The following MGA variants were observed in gnomAD, a reference collection of about 807,000 sequenced individuals.
MGA encodes the protein MAX dimerization protein MGA.
Under a neutral mutation model 261.1 loss-of-function variants are expected in MGA, and 40 were observed. That is an observed-to-expected ratio of 0.15 (90% confidence interval 0.12 to 0.20). The LOEUF (loss-of-function observed/expected upper bound fraction) is 0.20. MGA is among the 10% of genes least tolerant of loss of function. The probability of loss-of-function intolerance (pLI) is 1.00; values close to 1 mark genes in which losing one functional copy is unlikely to be tolerated. For missense variants in MGA, 3,397 were observed against 3,630.5 expected (o/e 0.94, Z 1.65); for synonymous variants, 1,302 against 1,290.6 (o/e 1.01, Z -0.19).
chr15:41,650,448 A>AT (rs1165626949), intron 1 of MGA, among the ~76,000 whole-genome samples: 3 of 150,732 alleles, frequency 2.0e-5, no homozygotes, highest in Non-Finnish European at 4.4e-5. Context: ...CTTAATTTTA[A>AT]TTTTTTTTTG....
At chr15:41,661,863 A>G (rs2057423552) in intron 1 of MGA, among the ~76,000 whole-genome samples, 1 of 152,100 alleles carries the variant, frequency 6.6e-6, no homozygotes, top group Non-Finnish European at 1.5e-5. Context: ...GTAGTCTCCA[A>G]GGTAACAGAA....
At chr15:41,739,762 A>T (rs2061989285) in intron 13 of MGA, 144 bp from the exon 14 acceptor site, 1 of 716,246 alleles carries the variant, frequency 1.4e-6, no homozygotes, top group Admixed American at 3.1e-5. Flanking sequence ...AGATTATTCT[A>T]AATGGAAAAA....
chr15:41,653,228 G>C (rs796892974), intron 1 of MGA, among the ~76,000 whole-genome samples: 1 of 152,040 alleles, frequency 6.6e-6, no homozygotes, highest in Admixed American at 6.6e-5. Flanking sequence ...AATTAGCAGG[G>C]TGTGGTGGTG....
At chr15:41,742,344 G>T (rs375826255) in intron 14 of MGA, among the ~76,000 whole-genome samples, 42 of 152,058 alleles carry the variant, frequency 2.8e-4, no homozygotes, top group South Asian at 2.5e-3. Context: ...AGCCGAGATC[G>T]CGCCATTGCA....
rs369175779 is a variant in MGA, at chr15:41,711,241, G to A, written c.2976G>A (p.Gln992=). 9.9e-6 allele frequency: 16 copies of A among 1,614,022 alleles called. No homozygotes were observed. The highest frequency in any genetic ancestry group is 1.4e-5 in the Non-Finnish European group (16 of 1,179,894). The change falls in exon 8 of 24, where the codon CAG becomes CAA. Residue 992 remains glutamine, a synonymous_variant. Transcript: ENST00000219905. ...GCCCTCCAGGCTTGTCTAAATCTCA[G>A]GTGAAGCTAATGGACCTGGAAGACT...
chr15:41,679,372 C>G (rs1280151251), intron 2 of MGA, among the ~76,000 whole-genome samples: 1 of 152,100 alleles, frequency 6.6e-6, no homozygotes, highest in African/African-American at 2.4e-5. Context: ...TCTGAAAAAT[C>G]CCGTTGGGAT....
At chr15:41,752,553 T>C (rs2062894449) in intron 17 of MGA, among the ~76,000 whole-genome samples, 1 of 146,582 alleles carries the variant, frequency 6.8e-6, no homozygotes, top group African/African-American at 2.5e-5. Flanking sequence ...TTTAAAGTTT[T>C]TTTTTTTTTT....
chr15:41,657,466 G>T (rs1388029415), upstream of MGA, among the ~76,000 whole-genome samples: 3 of 147,970 alleles, frequency 2.0e-5, no homozygotes, highest in Non-Finnish European at 4.4e-5. Flanking sequence ...CAATTCCCTT[G>T]CCTTAGCCTC....
intron 5 of MGA, 87 bp downstream of exon 5, chr15:41,699,246 CTCT>C (rs1301842153): frequency 4.7e-6 from 4 of 859,744 alleles, no homozygotes; most frequent in African/African-American, 1.8e-5. Context: ...TCTTTCTCAT[CTCT>C]TTTTTTCTGT....
intron 2 of MGA, among the ~76,000 whole-genome samples, chr15:41,687,058 G>A (rs1277482848): frequency 6.6e-6 from 1 of 151,920 alleles, no homozygotes; most frequent in East Asian, 1.9e-4. Flanking sequence ...GTATTTGATA[G>A]AATTTATCAG....
intron 12 of MGA, 132 bp from the exon 13 acceptor site, chr15:41,736,049 G>C (rs963986211): frequency 1.7e-5 from 14 of 822,156 alleles, no homozygotes; most frequent in Non-Finnish European, 2.5e-5. Context: ...AATTGTGAAA[G>C]TTGATACATT....
In MGA at chr15:41,660,407, C is replaced by G. The variant is rs1288626243; in HGVS notation, c.-186C>G. 3.3e-5 allele frequency: 5 copies of G among 152,596 alleles called. No homozygotes were observed. Among genetic ancestry groups the G allele is most frequent in the Admixed American group, 3.3e-4 (5 of 15,288 alleles). 9.5% of individuals were successfully genotyped at this position (152,596 alleles called of 1,614,324 possible). A position where few individuals can be genotyped will look rare whatever the true frequency, so the allele number is the denominator to read the frequency against. On this transcript the variant is annotated 5_prime_UTR_variant, in exon 1 of 24. Transcript: ENST00000219905. ...AGCGCGTGCGCGGTGACGTGGACGT[C>G]CGGTGCGCGCGCGCAGGCTCTTCAG...
chr15:41,728,159 G>A (rs980137036), intron 10 of MGA, among the ~76,000 whole-genome samples: 2 of 152,006 alleles, frequency 1.3e-5, no homozygotes, highest in Non-Finnish European at 2.9e-5. Flanking sequence ...GTGAAACCCC[G>A]CCTCTACTAA....
chr15:41,696,243 G>C lies in MGA; in HGVS notation c.1233G>C (p.Thr411=). ...AACAGGAAGAGACAGATGAAGAGAC[G>C]GATGTATACTCAAACAGTGATGATG... Residue 411 remains threonine, a synonymous_variant, in exon 3 of 24, where the codon ACG becomes ACC. Transcript: ENST00000219905. 1 of 1,613,892 alleles carries C rather than the reference G, an allele frequency of 6.2e-7. No individual in the cohort carries two copies. The highest frequency in any genetic ancestry group is 8.5e-7 in the Non-Finnish European group (1 of 1,179,886).
rs1363365953 is a variant in MGA, at chr15:41,740,100, G to A, written c.4482G>A (p.Leu1494=). ...CTGCATCCAGGAAACCACGTACCCT[G>A]TTGCCTTCAACATCCAATTCCAAAA... The change falls in exon 14 of 24, where the codon CTG becomes CTA. Residue 1494 remains leucine (L), a synonymous_variant. Coordinates refer to ENST00000219905, the MANE Select transcript of MGA (RefSeq NM_001164273.2). The A allele has an allele frequency of 2.5e-6, 4 of 1,613,998 alleles. No homozygotes were observed. In the South Asian group the frequency reaches 3.3e-5, roughly 13 times the overall value.
intron 1 of MGA, among the ~76,000 whole-genome samples, chr15:41,625,833 C>T (rs913062811): frequency 6.6e-6 from 1 of 152,104 alleles, no homozygotes; most frequent in African/African-American, 2.4e-5. Flanking sequence ...GATAAGTGAA[C>T]AAAGCAGATT....
At chr15:41,695,167 G>A (rs1036128259) in intron 2 of MGA, among the ~76,000 whole-genome samples, 8 of 151,262 alleles carry the variant, frequency 5.3e-5, no homozygotes, top group Non-Finnish European at 1.2e-4. Flanking sequence ...ATTTTAATTC[G>A]TCATTACTTT....
chr15:41,686,187 T>G (rs1040624216), intron 2 of MGA, among the ~76,000 whole-genome samples: 5 of 152,046 alleles, frequency 3.3e-5, no homozygotes, highest in African/African-American at 9.7e-5. Context: ...CTTGCTTTAT[T>G]GCATTGCTTG....
At chr15:41,699,235 CTCTT>C in intron 5 of MGA, 76 bp downstream of exon 5, 5 of 938,088 alleles carry the variant, frequency 5.3e-6, no homozygotes, top group Admixed American at 3.3e-5. Flanking sequence ...TTTTTCCTCT[CTCTT>C]TCTCATCTCT....
Sources: allele counts gnomAD v4.1 joint callset (sites outside exome capture counted in the v4.1 genomes callset), GRCh38; gene constraint gnomAD v4.1.1; transcripts MANE v1.5; gene names NCBI Gene and HGNC (gene_info 2026-07-23, HGNC 2026-07-21).